The following POLR3E variants were observed in gnomAD, a reference collection of about 807,000 sequenced individuals.
POLR3E encodes the protein RNA polymerase III subunit E.
Under a neutral mutation model 96.6 loss-of-function variants are expected in POLR3E, and 41 were observed. The observed-to-expected ratio is 0.42, with a 90% CI of 0.33 to 0.55. The LOEUF is 0.55. Among genes scored for constraint, POLR3E ranks in the 20% least tolerant of loss-of-function variants. The pLI is 0.06. For synonymous variants in POLR3E, 396 were observed against 383.6 expected, an observed-to-expected ratio of 1.03 and a Z score of -0.38; for missense variants, 849 against 952.1, an observed-to-expected ratio of 0.89 and a Z score of 1.43.
chr16:22,325,904 AAGG>A lies in POLR3E; in HGVS notation c.1498_1500del (p.Glu500del), dbSNP rs751068752. ...TGCGGTCCCGCCCGGTGTGCGGATC[AAGG>A]AGGAGCCCGTGAGCGAGGAGGGCGA... On this transcript the variant is annotated inframe_deletion, in exon 18 of 21. Transcript: ENST00000299853. 6.2e-7 allele frequency: 1 copy of A among 1,606,752 alleles called. No individual in the cohort carries two copies. The highest frequency in any genetic ancestry group is 8.5e-7 in the Non-Finnish European group (1 of 1,176,636).
chr16:22,300,482 G>T lies in POLR3E; in HGVS notation c.-38-2449G>T, dbSNP rs373110066. Among the ~76,000 whole-genome samples, 136 of 152,350 alleles carry T rather than the reference G, an allele frequency of 8.9e-4. 3 individuals are homozygous for T. In the South Asian group the frequency reaches 0.024, roughly 27 times the overall value. ...TCCCTGGCAGGGCAGAGGCCAACAG[G>T]GCATAGCAATAGCCAAGAAAGAACA... On this transcript the variant is annotated intron_variant, in intron 1 of 20. Coordinates refer to ENST00000299853, the MANE Select transcript of POLR3E (RefSeq NM_018119.4).
At chr16:22,301,070 A>G (rs527299670) in intron 1 of POLR3E, among the ~76,000 whole-genome samples, 10 of 148,618 alleles carry the variant, frequency 6.7e-5, no homozygotes, top group Non-Finnish European at 1.5e-4. Context: ...GCAGTTTGCA[A>G]TGTGATTTGG....
In POLR3E at chr16:22,325,644, G is replaced by T; in HGVS notation, c.1349-117G>T. Reference sequence around the variant, plus strand: ...CACTGATGGGGTGGCTGATTTTCGAGAAAGGTTGGGGATGAGACCAGGACG... The same window carrying T: ...CACTGATGGGGTGGCTGATTTTCGATAAAGGTTGGGGATGAGACCAGGACG... On this transcript the variant is annotated intron_variant, in intron 17 of 20. Transcript: ENST00000299853. The T allele has an allele frequency of 2.4e-6, 3 of 1,262,304 alleles. No individual in the cohort carries two copies. In the South Asian group the frequency reaches 4.9e-5, roughly 21 times the overall value. 78.2% of individuals were successfully genotyped at this position (1,262,304 alleles called of 1,614,324 possible).
chr16:22,330,029 G>T (rs756483289), intron 19 of POLR3E, among the ~76,000 whole-genome samples: 3 of 150,894 alleles, frequency 2.0e-5, no homozygotes, highest in Non-Finnish European at 4.4e-5. Flanking sequence ...ACTATTTTAG[G>T]AGACTGTAGA....
At chr16:22,312,703 G>A (rs1293411762) in intron 6 of POLR3E, among the ~76,000 whole-genome samples, 1 of 151,296 alleles carries the variant, frequency 6.6e-6, no homozygotes, top group Non-Finnish European at 1.5e-5. Flanking sequence ...CATCTCTACT[G>A]AAATACAAAA....
chr16:22,298,053 G>T (rs1327001323), intron 1 of POLR3E, among the ~76,000 whole-genome samples: 1 of 152,248 alleles, frequency 6.6e-6, no homozygotes, highest in Non-Finnish European at 1.5e-5. Context: ...CGAGGCCAGG[G>T]ATTCCTCATT....
chr16:22,331,300 T>C (rs541002953), intron 19 of POLR3E: 2 of 152,264 alleles, frequency 1.3e-5, no homozygotes, highest in African/African-American at 4.8e-5. Context: ...TAAGAGAGTT[T>C]CCATTGTTTA....
chr16:22,312,549 A>T (rs1373609674), intron 6 of POLR3E, among the ~76,000 whole-genome samples: 1 of 151,908 alleles, frequency 6.6e-6, no homozygotes, highest in Non-Finnish European at 1.5e-5. Flanking sequence ...ATGGTACGTG[A>T]GTCTTGTCCC....
At chr16:22,333,580 G>A in intron 20 of POLR3E, 64 bp from the exon 21 acceptor site, 2 of 1,088,748 alleles carry the variant, frequency 1.8e-6, no homozygotes, top group South Asian at 2.5e-5. Flanking sequence ...TTGACATTGT[G>A]GACAGAATGT....
chr16:22,333,627 C>T lies in POLR3E; in HGVS notation c.2071-17C>T, dbSNP rs751345053. ...TTTCCTGCAAAAATCTGTGCTTACCCTGTTTCTCTCTCATAGGACTGCTGT... is the reference window on the plus strand; with the variant it reads ...TTTCCTGCAAAAATCTGTGCTTACCTTGTTTCTCTCTCATAGGACTGCTGT... On this transcript the variant is annotated splice_polypyrimidine_tract_variant and intron_variant, in intron 20 of 20. Transcript: ENST00000299853. 2 of 1,595,816 alleles carry T rather than the reference C, an allele frequency of 1.3e-6. No homozygotes were observed. Among genetic ancestry groups the T allele is most frequent in the Non-Finnish European group, 1.7e-6 (2 of 1,163,468 alleles).
At position 22,317,100 on chromosome 16, in the gene POLR3E, C is replaced by T. The variant is rs775525415; in HGVS notation, c.774-15C>T. ...GGGCTGGCTGCCTCTAACCCGTCCC[C>T]TCTGCTTTTCCCAGAGACAAGCCTG... On this transcript the variant is annotated splice_polypyrimidine_tract_variant and intron_variant, in intron 11 of 20. Transcript: ENST00000299853. 3.1e-6 allele frequency: 5 copies of T among 1,613,936 alleles called. No individual in the cohort carries two copies. Among genetic ancestry groups the T allele is most frequent in the Non-Finnish European group, 4.2e-6 (5 of 1,179,888 alleles).
At chr16:22,328,609 T>C in intron 19 of POLR3E, 22 bp downstream of exon 19, 1 of 1,606,606 alleles carries the variant, frequency 6.2e-7, no homozygotes, top group Non-Finnish European at 8.5e-7. Context: ...TTTGCTGCCA[T>C]CTTCCCGAAG....
At position 22,324,341 on chromosome 16, in the gene POLR3E, T is replaced by G. The variant is rs200649771; in HGVS notation, c.1069-13T>G. 211 of 1,611,568 alleles carry G rather than the reference T, an allele frequency of 1.3e-4. No homozygotes were observed. Among genetic ancestry groups the G allele is most frequent in the Middle Eastern group, 1.9e-4 (1 of 5,232 alleles). ...GTGGCCGCCCCTGGAATGTGCTGCT[T>G]CTTCTCCCTCAGATGTGGAAGTTCA... On this transcript the variant is annotated splice_polypyrimidine_tract_variant and intron_variant, in intron 14 of 20. Transcript: ENST00000299853.
chr16:22,332,026 T>C lies in POLR3E; in HGVS notation c.1945-34T>C, dbSNP rs200185250. The C allele has an allele frequency of 5.0e-4, 805 of 1,607,384 alleles. 1 individual carries two copies. Among genetic ancestry groups the C allele is most frequent in the Non-Finnish European group, 6.6e-4 (772 of 1,175,382 alleles). ...GGGGATGTTTCTCTTTTTAGATCAC[T>C]GTTTCCCATCATAACGTGTTTTTGC... On this transcript the variant is annotated intron_variant, in intron 19 of 20. Transcript: ENST00000299853.
At chr16:22,305,844 C>T (rs1034782027) in intron 3 of POLR3E, among the ~76,000 whole-genome samples, 9 of 152,178 alleles carry the variant, frequency 5.9e-5, no homozygotes, top group Admixed American at 2.0e-4. Context: ...CCTCAGTTAC[C>T]TCTTTAACCC....
Position 22,326,247 on chromosome 16 carries a change from T to G in POLR3E, c.1835T>G (p.Leu612Arg). The change falls in exon 18 of 21, where the codon CTG (leucine) becomes CGG (arginine). Residue 612 changes from leucine (L) to arginine (R), a missense_variant. Physicochemically the swap from Leu to Arg is moderately radical, Grantham distance 102. Coordinates refer to ENST00000299853, the MANE Select transcript of POLR3E (RefSeq NM_018119.4). ...GACCGCATGCTACAGGACACGGTGC[T>G]GGCCGCCGGTTGCAAGCAGATACTG... ...ISDRMLQDTV[L>R]AAGCKQILVP... The G allele has an allele frequency of 6.3e-7, 1 of 1,587,952 alleles. No homozygotes were observed. Among genetic ancestry groups the G allele is most frequent in the East Asian group, 2.3e-5 (1 of 42,866 alleles).
chr16:22,303,421 T>C lies in POLR3E; in HGVS notation c.36+417T>C, dbSNP rs117618090. Among the ~76,000 whole-genome samples the C allele has an allele frequency of 1.3e-3, 199 of 152,208 alleles. 4 individuals are homozygous for C. In the East Asian group the frequency reaches 0.025, roughly 19 times the overall value. On this transcript the variant is annotated intron_variant, in intron 2 of 20. Transcript: ENST00000299853. ...GGCACCCAGGTACCCGGCGACTATT[T>C]GGTGAATGAATGAATGAATAAATGG...
chr16:22,314,920 C>G (rs918921350), intron 8 of POLR3E, 169 bp from the exon 9 acceptor site: 1 of 631,506 alleles, frequency 1.6e-6, no homozygotes, highest in African/African-American at 1.9e-5. Flanking sequence ...GTGCAGGCAG[C>G]TCTGGGAGGG....
chr16:22,318,684 G>C lies in POLR3E; in HGVS notation c.866-142G>C. The C allele has an allele frequency of 3.8e-6, 3 of 779,644 alleles. No individual in the cohort carries two copies. The highest frequency in any genetic ancestry group is 4.1e-6 in the Non-Finnish European group (2 of 488,554). 48.3% of individuals were successfully genotyped at this position (779,644 alleles called of 1,614,324 possible). A position where few individuals can be genotyped will look rare whatever the true frequency, so the allele number is the denominator to read the frequency against. On this transcript the variant is annotated intron_variant, in intron 12 of 20. Coordinates refer to ENST00000299853, the MANE Select transcript of POLR3E (RefSeq NM_018119.4). This position sits in a 1 kb window ranked among gnomAD's most constrained non-coding sequence, Gnocchi z 5.0. Reference sequence around the variant, plus strand: ...AGTGAGCAGCCTGAGAGTGTCAGCTGTTGGCTATGATGGGTGTCATTACTG... The same window carrying C: ...AGTGAGCAGCCTGAGAGTGTCAGCTCTTGGCTATGATGGGTGTCATTACTG...
Sources: gnomAD v4.1 joint callset for allele counts (sites outside exome capture counted in the v4.1 genomes callset) on GRCh38, gnomAD v4.1.1 for gene constraint, Gnocchi (gnomAD v3.1) non-coding constraint, MANE v1.5 for transcripts, NCBI Gene and HGNC (gene_info 2026-07-23, HGNC 2026-07-21) for gene names.